MON2: variants seen among roughly 807,000 people sequenced by gnomAD.
MON2 encodes MON2 regulator of endosome-to-Golgi trafficking.
Under a neutral mutation model 208.6 loss-of-function variants are expected in MON2, and 84 were observed. That is an observed-to-expected ratio of 0.40 (90% CI 0.34 to 0.48). MON2 has a LOEUF of 0.48. MON2 is among the 20% of genes least tolerant of loss of function. MON2 has a pLI of 0.59. For synonymous variants in MON2, 660 were observed against 694.0 expected (o/e 0.95, Z 0.77); for missense variants, 1,611 against 2,015.4 (o/e 0.80, Z 3.84).
In MON2 at chr12:62,508,354, T is replaced by C; in HGVS notation, c.858T>C (p.Asn286=). 6.2e-7 allele frequency: 1 copy of C among 1,614,050 alleles called. No individual in the cohort carries two copies. The highest frequency in any genetic ancestry group is 1.1e-5 in the South Asian group (1 of 91,076). ...CPLVIKLFSP[N]IKFRQGSSTS... ...TTGTGATAAAGCTCTTTTCTCCAAATATAAAGTTCAGACAAGGTTCCAGCA... is the reference window on the plus strand; with the variant it reads ...TTGTGATAAAGCTCTTTTCTCCAAACATAAAGTTCAGACAAGGTTCCAGCA... The change falls in exon 8 of 35, where the codon AAT becomes AAC. Residue 286 remains asparagine, a synonymous_variant. Coordinates refer to ENST00000393630, the MANE Select transcript of MON2 (RefSeq NM_015026.3).
chr12:62,579,014 T>C (rs2074896793), intron 31 of MON2, among the ~76,000 whole-genome samples: 1 of 151,978 alleles, frequency 6.6e-6, no homozygotes, highest in Non-Finnish European at 1.5e-5. Context: ...GGCAGGAGGA[T>C]TGCTTGAGAC....
intron 19 of MON2, among the ~76,000 whole-genome samples, chr12:62,539,644 G>A (rs1348947551): frequency 6.6e-6 from 1 of 152,130 alleles, no homozygotes; most frequent in Non-Finnish European, 1.5e-5. Flanking sequence ...AAAGATTGGT[G>A]AAGAAAGTCT....
At chr12:62,501,308 T>A (rs2070816988) in intron 6 of MON2, among the ~76,000 whole-genome samples, 1 of 152,220 alleles carries the variant, frequency 6.6e-6, no homozygotes, top group Non-Finnish European at 1.5e-5. Context: ...AAAAGCTTAG[T>A]TTTTCATTTG....
In MON2 at chr12:62,549,605, C is replaced by T. The variant is rs182179422; in HGVS notation, c.2754-63C>T. ...CCAACCTGAGTGGCAGAGTGAGACC[C>T]TGTCTCAAAAATAAATAAATAAATA... On this transcript the variant is annotated intron_variant, in intron 22 of 34. Coordinates refer to ENST00000393630, the MANE Select transcript of MON2 (RefSeq NM_015026.3). 12 of 1,408,816 alleles carry T rather than the reference C, an allele frequency of 8.5e-6. No homozygotes were observed. In the Admixed American group the frequency reaches 1.3e-4, roughly 16 times the overall value. 87.3% of individuals were successfully genotyped at this position (1,408,816 alleles called of 1,614,324 possible). A position where few individuals can be genotyped will look rare whatever the true frequency, so the allele number is the denominator to read the frequency against.
At chr12:62,485,500 GCTCCT>G in intron 2 of MON2, among the ~76,000 whole-genome samples, 1 of 152,144 alleles carries the variant, frequency 6.6e-6, no homozygotes, top group Non-Finnish European at 1.5e-5. Context: ...TAGCATAAGC[GCTCCT>G]CAATTACATC....
At chr12:62,565,101 T>C (rs557762284) in intron 26 of MON2, 136 bp from the exon 27 acceptor site, 28 of 806,402 alleles carry the variant, frequency 3.5e-5, no homozygotes, top group Non-Finnish European at 5.3e-5. Context: ...TTGTGTCCTT[T>C]AGGGCTCAGA....
intron 21 of MON2, 99 bp from the exon 22 acceptor site, chr12:62,546,798 T>C: frequency 1.2e-6 from 1 of 837,754 alleles, no homozygotes; most frequent in Non-Finnish European, 1.8e-6. Flanking sequence ...TTTCCCATAG[T>C]AGTCTGAATG....
In MON2 at chr12:62,597,048, A is replaced by G. The variant is rs1247173368; in HGVS notation, c.*4299A>G. On this transcript the variant is annotated 3_prime_UTR_variant, in exon 35 of 35. Transcript: ENST00000393630. ...AAGCGGTTTCCTTATTTCTAAACAG[A>G]GATGATGATCAATGAGTTACTAATT... The G allele has an allele frequency of 2.0e-5, 3 of 152,190 alleles. No homozygotes were observed. Among genetic ancestry groups the G allele is most frequent in the Admixed American group, 2.0e-4 (3 of 15,282 alleles). The allele number at this position is 152,190 out of a possible 1,614,324, so 9.4% of individuals were successfully genotyped here. A position where few individuals can be genotyped will look rare whatever the true frequency, so the allele number is the denominator to read the frequency against.
intron 34 of MON2, among the ~76,000 whole-genome samples, chr12:62,589,648 A>G (rs1489071373): frequency 6.6e-6 from 1 of 151,346 alleles, no homozygotes; most frequent in African/African-American, 2.4e-5. Flanking sequence ...AGTGGCTCAC[A>G]CCTGTAATCC....
At chr12:62,491,939 A>G (rs2070163800) in intron 2 of MON2, among the ~76,000 whole-genome samples, 2 of 152,212 alleles carry the variant, frequency 1.3e-5, no homozygotes, top group African/African-American at 4.8e-5. Flanking sequence ...GAGGAGCTTT[A>G]TGGTCATGAT....
rs541112073 is a variant in MON2, at chr12:62,508,117, C to A, written c.790-169C>A. The stretch of plus-strand genomic sequence containing the variant: ...GACTCTCTAAGTGCAATACGAATTT[C>A]AAAATTGTGCGTAAACTATAAAATA... On this transcript the variant is annotated intron_variant, in intron 7 of 34. Transcript: ENST00000393630. 6.6e-5 allele frequency among the ~76,000 whole-genome samples: 10 copies of A among 152,176 alleles called. No homozygotes were observed. The South Asian group carries it at 2.1e-3, about 32-fold the overall frequency.
intron 8 of MON2, among the ~76,000 whole-genome samples, chr12:62,515,024 G>C (rs2071615888): frequency 6.6e-6 from 1 of 152,178 alleles, no homozygotes; most frequent in African/African-American, 2.4e-5. Context: ...TGGAACCCTT[G>C]TGCACTGTTG....
chr12:62,526,287 C>T (rs576781057), intron 11 of MON2, among the ~76,000 whole-genome samples, 185 bp downstream of exon 11: 90 of 152,016 alleles, frequency 5.9e-4, no homozygotes, highest in African/African-American at 2.0e-3. Context: ...TTCTTTTGTG[C>T]TGTTTGTAGA....
At chr12:62,562,301 AC>A (rs1463006014) in intron 26 of MON2, among the ~76,000 whole-genome samples, 3 of 150,960 alleles carry the variant, frequency 2.0e-5, no homozygotes, top group East Asian at 3.9e-4. Flanking sequence ...TAAACAAGAA[AC>A]TTTTTTTTTT....
At chr12:62,566,514 G>A in intron 29 of MON2, 64 bp downstream of exon 29, 1 of 1,395,882 alleles carries the variant, frequency 7.2e-7, no homozygotes, top group South Asian at 1.4e-5. Flanking sequence ...TTATTCCTTA[G>A]GTAATACATT....
rs188499896 is a variant in MON2, at chr12:62,579,118, C to T, written c.4575+613C>T. Among the ~76,000 whole-genome samples the T allele has an allele frequency of 1.8e-3, 270 of 151,546 alleles. 1 individual carries two copies. The highest frequency in any genetic ancestry group is 6.3e-3 in the African/African-American group (262 of 41,322). ...AGTTAATTGGGCATGGTGGTTCACA[C>T]CTGTAGTCCTAGTTTCTCGGGAGAC... is the stretch of plus-strand genomic sequence containing the variant. On this transcript the variant is annotated intron_variant, in intron 31 of 34. Transcript: ENST00000393630.
chr12:62,534,542 A>AATATATATATATATATATATAT (rs71882879), intron 12 of MON2, among the ~76,000 whole-genome samples: 1 of 22,850 alleles, frequency 4.4e-5, no homozygotes, highest in Non-Finnish European at 7.4e-5. Flanking sequence ...AAAAAAAAAA[A>AATATATATATATATATATATAT]ATATATATAT....
chr12:62,541,374 C>CAAAAAA (rs34466096), intron 19 of MON2, among the ~76,000 whole-genome samples: 2 of 108,860 alleles, frequency 1.8e-5, no homozygotes, highest in Non-Finnish European at 3.9e-5. Context: ...AACTCTGTCT[C>CAAAAAA]AAAAAAAAAA....
chr12:62,573,163 C>G (rs899762846), intron 30 of MON2, among the ~76,000 whole-genome samples: 1 of 152,140 alleles, frequency 6.6e-6, no homozygotes, highest in Non-Finnish European at 1.5e-5. Flanking sequence ...TAAGCATACT[C>G]TGTTTCTGAA....
Sources: allele counts gnomAD v4.1 joint callset (sites outside exome capture counted in the v4.1 genomes callset), GRCh38; gene constraint gnomAD v4.1.1; transcripts MANE v1.5; gene names NCBI Gene and HGNC (gene_info 2026-07-23, HGNC 2026-07-21).